PHC2: variants seen among roughly 807,000 people sequenced by gnomAD.
PHC2 encodes polyhomeotic-like protein 2.
PHC2 carries 29 observed loss-of-function variants against 87.4 expected under a neutral mutation model. The observed-to-expected ratio is 0.33, with a 90% CI of 0.25 to 0.45. The LOEUF is 0.45. PHC2 is among the 20% of genes least tolerant of loss of function. PHC2 has a pLI of 1.00. For missense variants in PHC2, 857 were observed against 1,136.7 expected (o/e 0.75, Z 3.54); for synonymous variants, 438 against 461.7 (o/e 0.95, Z 0.66).
intron 1 of PHC2, among the ~76,000 whole-genome samples, chr1:33,386,952 T>G (rs1382048769): frequency 1.3e-5 from 2 of 152,254 alleles, no homozygotes; most frequent in Non-Finnish European, 2.9e-5. Context: ...AGCCTTGAAC[T>G]GGCCTGATGG....
At chr1:33,344,792 A>G (rs548587138) in intron 9 of PHC2, among the ~76,000 whole-genome samples, 4 of 151,814 alleles carry the variant, frequency 2.6e-5, no homozygotes, top group African/African-American at 7.3e-5. Flanking sequence ...AATTATCTGT[A>G]GAGGCGAGGT....
Position 33,372,385 on chromosome 1 carries a change from G to A in PHC2, c.237C>T (p.Tyr79=), listed in dbSNP as rs749608780. 11 of 1,606,978 alleles carry A rather than the reference G, an allele frequency of 6.8e-6. No homozygotes were observed. Among genetic ancestry groups the A allele is most frequent in the East Asian group, 2.2e-5 (1 of 44,474 alleles). ...GCATGAGGTGCTGCTGCTGGGCGGC[G>A]TACATCTGCTGCAGGTACTGAGCGG... ...STAAQYLQQM[Y]AAQQQHLMLQ... is the part of the protein sequence containing the mutation. The change falls in exon 3 of 15, where the codon TAC becomes TAT. Residue 79 remains tyrosine (Y), a synonymous_variant. Coordinates refer to ENST00000683057, the MANE Select transcript of PHC2 (RefSeq NM_001385109.1).
At chr1:33,402,277 C>T (rs557006627) in intron 1 of PHC2, among the ~76,000 whole-genome samples, 2 of 152,248 alleles carry the variant, frequency 1.3e-5, no homozygotes, top group Non-Finnish European at 2.9e-5. Flanking sequence ...ATTCTAGAGA[C>T]TGACAATATC....
chr1:33,352,995 C>G (rs1647001723), intron 9 of PHC2, among the ~76,000 whole-genome samples: 2 of 152,214 alleles, frequency 1.3e-5, no homozygotes, highest in African/African-American at 2.4e-5. Context: ...TGGTTCCTCC[C>G]TACCGTAAAA....
At chr1:33,426,304 G>T (rs1650665856) in intron 1 of PHC2, among the ~76,000 whole-genome samples, 1 of 146,060 alleles carries the variant, frequency 6.8e-6, no homozygotes, top group Non-Finnish European at 1.5e-5. Flanking sequence ...CAACCAGTGG[G>T]GTTCAAAGCT....
In PHC2 at chr1:33,334,299, G is replaced by C. The variant is rs12734630; in HGVS notation, c.1559-7C>G. On this transcript the variant is annotated splice_polypyrimidine_tract_variant and splice_region_variant and intron_variant, in intron 9 of 14. Coordinates refer to ENST00000683057, the MANE Select transcript of PHC2 (RefSeq NM_001385109.1). The surrounding 1 kb of genome is among the most constrained non-coding windows in gnomAD (Gnocchi z 5.5). ...ACAATGCCCTGCCCTGTCTCTGCAC[G>C]AGAGAGAGTAGGAAAACAAAGCAGG... 3 of 1,610,936 alleles carry C rather than the reference G, an allele frequency of 1.9e-6. No individual in the cohort carries two copies. The highest frequency in any genetic ancestry group is 2.5e-6 in the Non-Finnish European group (3 of 1,178,122).
At position 33,364,116 on chromosome 1, in the gene PHC2, G is replaced by T. The variant is rs1429188779; in HGVS notation, c.976+3000C>A. On this transcript the variant is annotated intron_variant, in intron 7 of 14. Transcript: ENST00000683057. This position sits in a 1 kb window ranked among gnomAD's most constrained non-coding sequence, Gnocchi z 4.1. ...GGAACAGCAGGGAGCTTGCCATGGG[G>T]GAGGGGCTTTGCCCCCAAACAGCTG... is the stretch of plus-strand genomic sequence containing the variant. Among the ~76,000 whole-genome samples, 2 of 152,058 alleles carry T rather than the reference G, an allele frequency of 1.3e-5. No homozygotes were observed. Among genetic ancestry groups the T allele is most frequent in the South Asian group, 4.1e-4 (2 of 4,824 alleles).
chr1:33,412,774 T>C lies in PHC2; in HGVS notation c.-55+18202A>G, dbSNP rs556285571. 5.3e-5 allele frequency among the ~76,000 whole-genome samples: 8 copies of C among 152,282 alleles called. No individual in the cohort carries two copies. In the South Asian group the frequency reaches 1.2e-3, roughly 24 times the overall value. ...TGCATCAGGAGCATAAATCTTGTAA[T>C]TGAAGGATAGCATGGTTATTGAAAA... is the stretch of plus-strand genomic sequence containing the variant. On this transcript the variant is annotated intron_variant, in intron 1 of 14. Coordinates refer to ENST00000683057, the MANE Select transcript of PHC2 (RefSeq NM_001385109.1).
intron 9 of PHC2, among the ~76,000 whole-genome samples, chr1:33,351,203 G>A (rs1335333161): frequency 6.6e-6 from 1 of 152,196 alleles, no homozygotes; most frequent in Non-Finnish European, 1.5e-5. Context: ...GAGTGTGGTT[G>A]TGTTCCAATA....
chr1:33,408,629 T>G (rs374864081), intron 1 of PHC2, among the ~76,000 whole-genome samples: 23 of 152,004 alleles, frequency 1.5e-4, no homozygotes, highest in African/African-American at 5.1e-4. Context: ...ACCGGCTAAT[T>G]TTTTTGTTTG....
chr1:33,393,222 A>G (rs1649146888), intron 1 of PHC2, among the ~76,000 whole-genome samples: 1 of 152,078 alleles, frequency 6.6e-6, no homozygotes. Context: ...CTACCTTCCT[A>G]GGAAGGCAAA....
In PHC2 at chr1:33,329,759, G is replaced by A. The variant is rs1646448833; in HGVS notation, c.2148+312C>T. On this transcript the variant is annotated intron_variant, in intron 13 of 14. Coordinates refer to ENST00000683057, the MANE Select transcript of PHC2 (RefSeq NM_001385109.1). ...TCACCCAGCCCTCCACGTAAGGCAGGAGGTTACCTGAGCAGCCCAGGGGAG... is the reference window on the plus strand; with the variant it reads ...TCACCCAGCCCTCCACGTAAGGCAGAAGGTTACCTGAGCAGCCCAGGGGAG... Among the ~76,000 whole-genome samples, 5 of 152,306 alleles carry A rather than the reference G, an allele frequency of 3.3e-5. No individual in the cohort carries two copies. The South Asian group carries it at 1.0e-3, about 32-fold the overall frequency.
intron 1 of PHC2, among the ~76,000 whole-genome samples, chr1:33,386,804 G>GCA: frequency 6.6e-6 from 1 of 152,068 alleles, no homozygotes; most frequent in African/African-American, 2.4e-5. Context: ...CACAGTGTGC[G>GCA]CACACACACC....
At chr1:33,344,615 A>T (rs116428877) in intron 9 of PHC2, among the ~76,000 whole-genome samples, 3,394 of 151,950 alleles carry the variant, frequency 0.022, 120 homozygotes, top group Admixed American at 0.11. Context: ...TTTATTTTTT[A>T]TTTTTTGAGA....
chr1:33,397,658 T>G (rs929541749), intron 1 of PHC2, among the ~76,000 whole-genome samples: 2 of 152,024 alleles, frequency 1.3e-5, no homozygotes, highest in African/African-American at 4.8e-5. Context: ...CCCTCTTTGT[T>G]TGGGGTGGTC....
At chr1:33,363,641 G>C in intron 7 of PHC2, 3 of 497,730 alleles carry the variant, frequency 6.0e-6, no homozygotes, top group Non-Finnish European at 7.8e-6. Flanking sequence ...GGCATCTGGA[G>C]GCCCAACTGG....
At position 33,368,686 on chromosome 1, in the gene PHC2, G is replaced by T; in HGVS notation, c.577-64C>A. ...CTACCTGCACCAGGTTACCTGGCTGGGCCTGGAATCACAGGAAACGAGGCG... is the reference window on the plus strand; with the variant it reads ...CTACCTGCACCAGGTTACCTGGCTGTGCCTGGAATCACAGGAAACGAGGCG... On this transcript the variant is annotated intron_variant, in intron 5 of 14. Transcript: ENST00000683057. The surrounding 1 kb of genome is among the most constrained non-coding windows in gnomAD (Gnocchi z 6.6). The T allele has an allele frequency of 8.0e-7, 1 of 1,245,040 alleles. No homozygotes were observed. The highest frequency in any genetic ancestry group is 1.2e-6 in the Non-Finnish European group (1 of 867,326). 77.1% of individuals were successfully genotyped at this position (1,245,040 alleles called of 1,614,324 possible).
intron 1 of PHC2, among the ~76,000 whole-genome samples, chr1:33,416,070 G>C (rs1463767150): frequency 6.6e-6 from 1 of 152,162 alleles, no homozygotes; most frequent in African/African-American, 2.4e-5. Flanking sequence ...AAGGAAAAGA[G>C]ATGTGGGGAG....
intron 9 of PHC2, among the ~76,000 whole-genome samples, chr1:33,348,544 T>C (rs984240447): frequency 6.6e-6 from 1 of 152,228 alleles, no homozygotes; most frequent in African/African-American, 2.4e-5. Flanking sequence ...ATACTCAGGC[T>C]GATGGACAAT....
Sources: allele counts gnomAD v4.1 joint callset (sites outside exome capture counted in the v4.1 genomes callset), GRCh38; gene constraint gnomAD v4.1.1; non-coding constraint Gnocchi (gnomAD v3.1); transcripts MANE v1.5; gene names NCBI Gene and HGNC (gene_info 2026-07-23, HGNC 2026-07-21).